Variants in KMT2C observed in about 807,000 individuals in gnomAD.
KMT2C encodes histone-lysine N-methyltransferase 2C.
A neutral mutation model predicts 507.9 loss-of-function variants in KMT2C; 88 were observed. The observed-to-expected ratio is 0.17, with a 90% confidence interval of 0.15 to 0.21. The LOEUF (loss-of-function observed/expected upper bound fraction) is 0.21. Ranked by LOEUF, KMT2C falls within the 10% of genes least tolerant of loss-of-function variation. The probability of loss-of-function intolerance (pLI) is 1.00; values close to 1 mark genes in which losing one functional copy is unlikely to be tolerated. For synonymous variants in KMT2C, 2,049 were observed against 2,080.8 expected, an observed-to-expected ratio of 0.98 and a Z score of 0.42; for missense variants, 4,954 against 5,957.8, an observed-to-expected ratio of 0.83 and a Z score of 5.55.
intron 48 of KMT2C, 124 bp downstream of exon 48, chr7:152,153,886 G>A: frequency 1.1e-6 from 1 of 946,070 alleles, no homozygotes; most frequent in Non-Finnish European, 1.6e-6. Flanking sequence ...GTGAGCATCA[G>A]CTCTGCTCTC....
Position 152,178,015 on chromosome 7 carries a change from T to TTATAA in KMT2C, c.7443-6_7443-5insTTATA. On this transcript the variant is annotated splice_polypyrimidine_tract_variant and splice_region_variant and intron_variant, in intron 37 of 58. Coordinates refer to ENST00000262189, the MANE Select transcript of KMT2C (RefSeq NM_170606.3). ...CTACCTCCTGGAAATCCAAATCTTT[T>TTATAA]AAAAAAAAAAAAAAAAAAAAAAAAA... The TTATAA allele has an allele frequency of 1.2e-6, 1 of 809,860 alleles. No individual in the cohort carries two copies. Among genetic ancestry groups the TTATAA allele is most frequent in the Non-Finnish European group, 1.5e-6 (1 of 681,248 alleles). The allele number at this position is 809,860 out of a possible 1,614,324, so 50.2% of individuals were successfully genotyped here.
intron 2 of KMT2C, among the ~76,000 whole-genome samples, chr7:152,354,001 A>G (rs2097133598): frequency 6.6e-6 from 1 of 152,166 alleles, no homozygotes; most frequent in South Asian, 2.1e-4. Context: ...TGGTTATAAC[A>G]GTTATTCTTT....
chr7:152,413,768 C>A (rs540405242), intron 1 of KMT2C, among the ~76,000 whole-genome samples: 126 of 151,196 alleles, frequency 8.3e-4, no homozygotes, highest in African/African-American at 3.1e-3. Flanking sequence ...GCCTGTAATC[C>A]CAGCTACTTG....
chr7:152,415,611 T>C (rs1243175868), intron 1 of KMT2C, among the ~76,000 whole-genome samples: 4 of 152,200 alleles, frequency 2.6e-5, no homozygotes, highest in Non-Finnish European at 5.9e-5. Flanking sequence ...GCTGACGCGG[T>C]GGCTCATGCC....
At position 152,346,125 on chromosome 7, in the gene KMT2C, A is replaced by T. The variant is rs1563938162; in HGVS notation, c.250+12462T>A. ...AAAAATGATACAATCTCAAGGAGTAAGAGATGAACCCACTATTATCGTTGG... is the reference window on the plus strand; with the variant it reads ...AAAAATGATACAATCTCAAGGAGTATGAGATGAACCCACTATTATCGTTGG... On this transcript the variant is annotated intron_variant, in intron 2 of 58. Coordinates refer to ENST00000262189, the MANE Select transcript of KMT2C (RefSeq NM_170606.3). Among the ~76,000 whole-genome samples the T allele has an allele frequency of 2.0e-5, 3 of 152,354 alleles. 1 individual carries two copies. In the South Asian group the frequency reaches 6.2e-4, roughly 32 times the overall value.
chr7:152,202,659 T>C (rs1033560511), intron 26 of KMT2C, among the ~76,000 whole-genome samples: 1 of 152,156 alleles, frequency 6.6e-6, no homozygotes, highest in African/African-American at 2.4e-5. Context: ...GATTGAGTTT[T>C]TCCTATCCCA....
intron 1 of KMT2C, among the ~76,000 whole-genome samples, chr7:152,373,035 T>C (rs2097303600): frequency 6.6e-6 from 1 of 152,212 alleles, no homozygotes; most frequent in African/African-American, 2.4e-5. Context: ...TGTATGAAAC[T>C]AGAAATCAAT....
At position 152,259,483 on chromosome 7, in the gene KMT2C, CACACACAG is replaced by C. The variant is rs746626319; in HGVS notation, c.1299+3525_1299+3532del. 8.8e-3 allele frequency among the ~76,000 whole-genome samples: 1,279 copies of C among 144,740 alleles called. 11 individuals are homozygous for C. Among genetic ancestry groups the C allele is most frequent in the Non-Finnish European group, 0.012 (824 of 66,980 alleles). 95.0% of individuals were successfully genotyped at this position (144,740 alleles called of 152,430 possible). A position where few individuals can be genotyped will look rare whatever the true frequency, so the allele number is the denominator to read the frequency against. On this transcript the variant is annotated intron_variant, in intron 9 of 58. Transcript: ENST00000262189. ...ACACACACACACACACACACACACACACACACAGAGAAAGCAAGAGAGGGCATGCCCAG... is the reference window on the plus strand; with the variant it reads ...ACACACACACACACACACACACACACAGAAAGCAAGAGAGGGCATGCCCAG...
intron 1 of KMT2C, among the ~76,000 whole-genome samples, chr7:152,389,505 A>G (rs1221184746): frequency 1.3e-5 from 2 of 151,686 alleles, no homozygotes; most frequent in Non-Finnish European, 1.5e-5. Context: ...TACCTGGTGG[A>G]GTGCAGTGGC....
At position 152,195,912 on chromosome 7, in the gene KMT2C, T is replaced by C. The variant is rs773738226; in HGVS notation, c.4373A>G (p.His1458Arg). ...TAAACAGTATTCATATATACCTGAA[T>C]GATCAACTGATTTTGCTAGATCATC... ...ISDDLAKSVD[H>R]SDIGPVTDDP... The change falls in exon 28 of 59, where the codon CAT (histidine) becomes CGT (arginine). Residue 1458 changes from histidine (H) to arginine (R), a missense_variant. By Grantham distance (29) the His-to-Arg change is conservative. Transcript: ENST00000262189. 4 of 1,566,860 alleles carry C rather than the reference T, an allele frequency of 2.6e-6. No individual in the cohort carries two copies. Among genetic ancestry groups the C allele is most frequent in the African/African-American group, 2.7e-5 (2 of 73,752 alleles).
At position 152,150,765 on chromosome 7, in the gene KMT2C, G is replaced by A. The variant is rs150251810; in HGVS notation, c.12774+135C>T. Reference sequence around the variant, plus strand: ...TCCCTACACCCTCTCCTCCTCTGCCGGGTCAGCACCTGCTTTGGATTCCCC... The same window carrying A: ...TCCCTACACCCTCTCCTCCTCTGCCAGGTCAGCACCTGCTTTGGATTCCCC... On this transcript the variant is annotated intron_variant, in intron 51 of 58. Transcript: ENST00000262189. The A allele has an allele frequency of 2.9e-3, 1,840 of 639,790 alleles. 33 individuals carry two copies. The African/African-American group carries it at 0.032, about 11-fold the overall frequency. 39.6% of individuals were successfully genotyped at this position (639,790 alleles called of 1,614,324 possible).
At chr7:152,434,684 A>T (rs2097899168) in intron 1 of KMT2C, among the ~76,000 whole-genome samples, 1 of 152,208 alleles carries the variant, frequency 6.6e-6, no homozygotes, top group Admixed American at 6.5e-5. Flanking sequence ...GAAGCCGAGC[A>T]GTTCGCTGGC....
intron 6 of KMT2C, among the ~76,000 whole-genome samples, chr7:152,296,991 GAAAGAA>G (rs1385994076): frequency 1.0e-5 from 1 of 95,622 alleles, no homozygotes; most frequent in Non-Finnish European, 2.2e-5. Context: ...AAGAAAGAAA[GAAAGAA>G]AAAGAAAGAA....
chr7:152,385,653 A>G (rs1454343344), intron 1 of KMT2C, among the ~76,000 whole-genome samples: 3 of 138,562 alleles, frequency 2.2e-5, no homozygotes, highest in Non-Finnish European at 4.6e-5. Context: ...AAAAAAATTG[A>G]GACGTGTTTA....
chr7:152,313,776 T>C (rs928510389), intron 4 of KMT2C, among the ~76,000 whole-genome samples: 3 of 152,084 alleles, frequency 2.0e-5, no homozygotes, highest in East Asian at 1.9e-4. Flanking sequence ...ACTTATTAAG[T>C]TGGTAAGCAC....
chr7:152,248,881 C>A (rs1409218105), intron 13 of KMT2C, among the ~76,000 whole-genome samples: 2 of 152,060 alleles, frequency 1.3e-5, no homozygotes, highest in African/African-American at 4.8e-5. Flanking sequence ...AGGAAAAGTT[C>A]TCATACTCAT....
chr7:152,195,062 A>C (rs868173556), intron 28 of KMT2C, among the ~76,000 whole-genome samples: 1 of 152,182 alleles, frequency 6.6e-6, no homozygotes, highest in African/African-American at 2.4e-5. Context: ...TAATATTTTT[A>C]AAGTATTCTA....
In KMT2C at chr7:152,235,975, C is replaced by CA. The variant is rs764103709; in HGVS notation, c.2653-43dup. ...GAAAAGTCAACATTCTGTGACAGAC[C>CA]AAAATAATTTTTAAATCCAAATGCC... is the stretch of plus-strand genomic sequence containing the variant. On this transcript the variant is annotated intron_variant, in intron 15 of 58. Transcript: ENST00000262189. 5.7e-6 allele frequency: 7 copies of CA among 1,217,822 alleles called. No individual in the cohort carries two copies. In the East Asian group the frequency reaches 1.7e-4, roughly 29 times the overall value. The allele number at this position is 1,217,822 out of a possible 1,614,324, so 75.4% of individuals were successfully genotyped here.
chr7:152,398,941 C>T (rs1267167759), intron 1 of KMT2C, among the ~76,000 whole-genome samples: 3 of 152,090 alleles, frequency 2.0e-5, no homozygotes, highest in Non-Finnish European at 4.4e-5. Context: ...GATCCTCCCA[C>T]CTCAGCCTCT....
Sources: gnomAD v4.1 joint callset for allele counts (sites outside exome capture counted in the v4.1 genomes callset) on GRCh38, gnomAD v4.1.1 for gene constraint, MANE v1.5 for transcripts, NCBI Gene and HGNC (gene_info 2026-07-23, HGNC 2026-07-21) for gene names.